ANKFN1: variants seen among roughly 807,000 people sequenced by gnomAD.
ANKFN1 encodes the protein ankyrin repeat and fibronectin type III domain containing 1, also known as ankyrin repeat and fibronectin type-III domain-containing protein 1.
ANKFN1 carries 74 observed loss-of-function variants against 108.7 expected under a neutral mutation model. The observed-to-expected ratio is 0.68, with a 90% CI of 0.56 to 0.83. The LOEUF is 0.83. ANKFN1 is among the 40% of genes least tolerant of loss of function. ANKFN1 has a pLI of 0.00. For missense variants in ANKFN1, 1,505 were observed against 1,382.3 expected, an observed-to-expected ratio of 1.09 and a Z score of -1.41; for synonymous variants, 547 against 516.2, an observed-to-expected ratio of 1.06 and a Z score of -0.81.
intron 4 of ANKFN1, among the ~76,000 whole-genome samples, chr17:56,049,562 C>T (rs1330653820): frequency 6.6e-6 from 1 of 151,494 alleles, no homozygotes; most frequent in Non-Finnish European, 1.5e-5. Flanking sequence ...CCACCACAGT[C>T]CCCAGAGTGT....
At chr17:56,053,203 A>G (rs1405553615) in intron 4 of ANKFN1, among the ~76,000 whole-genome samples, 1 of 152,150 alleles carries the variant, frequency 6.6e-6, no homozygotes, top group African/African-American at 2.4e-5. Context: ...TCTGTGGGGA[A>G]CATGAGATAT....
intron 18 of ANKFN1, among the ~76,000 whole-genome samples, chr17:56,483,039 G>A (rs937222796): frequency 2.0e-5 from 3 of 152,108 alleles, no homozygotes; most frequent in African/African-American, 7.2e-5. Flanking sequence ...ATTTTAAGTA[G>A]CACTGACTTA....
intron 3 of ANKFN1, among the ~76,000 whole-genome samples, chr17:56,260,450 G>A (rs866497760): frequency 5.3e-5 from 8 of 151,914 alleles, no homozygotes; most frequent in South Asian, 2.1e-4. Flanking sequence ...ACTTTGCACC[G>A]CCTTTGGCAA....
intron 3 of ANKFN1, among the ~76,000 whole-genome samples, chr17:56,300,122 G>A (rs772386599): frequency 2.8e-4 from 42 of 152,128 alleles, no homozygotes; most frequent in Non-Finnish European, 2.4e-4. Context: ...GAATTATAAC[G>A]CTGATCTCTG....
At chr17:56,099,210 G>A (rs901208076) in intron 4 of ANKFN1, among the ~76,000 whole-genome samples, 4 of 152,108 alleles carry the variant, frequency 2.6e-5, no homozygotes, top group Admixed American at 6.6e-5. Flanking sequence ...AGTCAAACAG[G>A]GCAGAACTGA....
At position 56,510,852 on chromosome 17, in the gene ANKFN1, T is replaced by C; in HGVS notation, c.3024T>C (p.Tyr1008=). 3 of 1,536,100 alleles carry C rather than the reference T, an allele frequency of 2.0e-6. No homozygotes were observed. The highest frequency in any genetic ancestry group is 3.3e-4 in the Middle Eastern group (2 of 5,990). ...GGAAGCCAGGCAAGCACCCCCACTATGGCGGCTTCAGCCGCCATCATCGCT... is the reference window on the plus strand; with the variant it reads ...GGAAGCCAGGCAAGCACCCCCACTACGGCGGCTTCAGCCGCCATCATCGCT... ...GKRKPGKHPH[Y]GGFSRHHRWL... The change falls in exon 21 of 21, where the codon TAT becomes TAC. Residue 1008 remains tyrosine (Y), a synonymous_variant. Coordinates refer to ENST00000682825, the MANE Select transcript of ANKFN1 (RefSeq NM_001370326.1).
chr17:56,058,808 C>A (rs1226001013), intron 4 of ANKFN1, among the ~76,000 whole-genome samples: 1 of 152,150 alleles, frequency 6.6e-6, no homozygotes, highest in African/African-American at 2.4e-5. Context: ...TGTATATGTA[C>A]CACATTTTCT....
chr17:56,253,771 T>G (rs890089865), intron 3 of ANKFN1, among the ~76,000 whole-genome samples: 4 of 152,146 alleles, frequency 2.6e-5, no homozygotes, highest in African/African-American at 9.7e-5. Context: ...CAGAACATTA[T>G]GAGTCCAGGT....
chr17:56,165,909 C>T (rs1910094779), intron 1 of ANKFN1, among the ~76,000 whole-genome samples: 1 of 152,168 alleles, frequency 6.6e-6, no homozygotes, highest in Non-Finnish European at 1.5e-5. Context: ...TGCCCCAATT[C>T]AGGTCCTAGT....
Position 56,511,617 on chromosome 17 carries a change from AC to A in ANKFN1, c.*352del. 1 of 212,668 alleles carries A rather than the reference AC, an allele frequency of 4.7e-6. No individual in the cohort carries two copies. The highest frequency in any genetic ancestry group is 9.2e-6 in the Non-Finnish European group (1 of 108,282). 13.2% of individuals were successfully genotyped at this position (212,668 alleles called of 1,614,324 possible). A position where few individuals can be genotyped will look rare whatever the true frequency, so the allele number is the denominator to read the frequency against. ...GTTCTGCAGCTGGTTCTGTAATCTGACCCCTAGTTTAGGGCTCTTTCATGAA... is the reference window on the plus strand; with the variant it reads ...GTTCTGCAGCTGGTTCTGTAATCTGACCCTAGTTTAGGGCTCTTTCATGAA... On this transcript the variant is annotated 3_prime_UTR_variant, in exon 21 of 21. Transcript: ENST00000682825.
chr17:56,347,334 A>C (rs1009755296), intron 4 of ANKFN1, among the ~76,000 whole-genome samples: 1 of 152,098 alleles, frequency 6.6e-6, no homozygotes, highest in Non-Finnish European at 1.5e-5. Flanking sequence ...GATACTATGC[A>C]CAAAACAGAA....
chr17:56,511,306 C>T lies in ANKFN1; in HGVS notation c.*37C>T. On this transcript the variant is annotated 3_prime_UTR_variant, in exon 21 of 21. Coordinates refer to ENST00000682825, the MANE Select transcript of ANKFN1 (RefSeq NM_001370326.1). ...CCGGCTGTCCACCCCTCCATGGCTGCTACCTGCGTTTTACATCACCCTTAC... is the reference window on the plus strand; with the variant it reads ...CCGGCTGTCCACCCCTCCATGGCTGTTACCTGCGTTTTACATCACCCTTAC... The T allele has an allele frequency of 6.8e-7, 1 of 1,474,644 alleles. No homozygotes were observed. Among genetic ancestry groups the T allele is most frequent in the Non-Finnish European group, 9.0e-7 (1 of 1,112,738 alleles). 91.3% of individuals were successfully genotyped at this position (1,474,644 alleles called of 1,614,324 possible). A position where few individuals can be genotyped will look rare whatever the true frequency, so the allele number is the denominator to read the frequency against.
chr17:56,481,532 A>G (rs2050702853), intron 17 of ANKFN1, among the ~76,000 whole-genome samples: 1 of 151,968 alleles, frequency 6.6e-6, no homozygotes. Context: ...ACACATAATG[A>G]ACCAAGTTTA....
chr17:56,334,574 G>A (rs1022236871), intron 4 of ANKFN1, among the ~76,000 whole-genome samples: 45 of 151,820 alleles, frequency 3.0e-4, no homozygotes, highest in Non-Finnish European at 4.6e-4. Context: ...CAATGTATAC[G>A]TATTTGCTCA....
At chr17:56,338,659 G>C (rs138337201) in intron 4 of ANKFN1, among the ~76,000 whole-genome samples, 80 of 151,642 alleles carry the variant, frequency 5.3e-4, no homozygotes, top group African/African-American at 1.8e-3. Flanking sequence ...TTTCAGTTCA[G>C]TTTAAAGTTG....
At chr17:56,062,183 A>G (rs373680808) in intron 4 of ANKFN1, among the ~76,000 whole-genome samples, 1 of 152,196 alleles carries the variant, frequency 6.6e-6, no homozygotes, top group East Asian at 1.9e-4. Context: ...AGTGCCACGT[A>G]ACATTAAGAA....
chr17:56,413,240 A>G (rs192432043), intron 8 of ANKFN1, among the ~76,000 whole-genome samples: 322 of 152,248 alleles, frequency 2.1e-3, no homozygotes, highest in Non-Finnish European at 3.7e-3. Flanking sequence ...TTGTTGGTAT[A>G]TAGGAATGCT....
intron 3 of ANKFN1, among the ~76,000 whole-genome samples, chr17:56,270,923 G>A (rs1024808618): frequency 3.9e-5 from 6 of 152,044 alleles, no homozygotes; most frequent in African/African-American, 1.4e-4. Flanking sequence ...ACCCTAACTT[G>A]CTCTTTAATG....
chr17:56,214,943 C>A (rs897846692), intron 2 of ANKFN1, among the ~76,000 whole-genome samples: 3 of 152,176 alleles, frequency 2.0e-5, no homozygotes, highest in Admixed American at 2.0e-4. Flanking sequence ...TGCCCCAAGG[C>A]CTCTAGCTTT....
Sources: allele counts gnomAD v4.1 joint callset (sites outside exome capture counted in the v4.1 genomes callset), GRCh38; gene constraint gnomAD v4.1.1; transcripts MANE v1.5; gene names NCBI Gene and HGNC (gene_info 2026-07-23, HGNC 2026-07-21).